The following GABRB2 variants were observed in gnomAD, a reference collection of about 807,000 sequenced individuals.
GABRB2 encodes the protein gamma-aminobutyric acid receptor subunit beta-2.
Under a neutral mutation model 54.7 loss-of-function variants are expected in GABRB2, and 16 were observed. That is an observed-to-expected ratio of 0.29 (90% CI 0.20 to 0.44). GABRB2 has a LOEUF of 0.44. Ranked by LOEUF, GABRB2 falls within the 20% of genes least tolerant of loss-of-function variation. The pLI is 1.00. For synonymous variants in GABRB2, 244 were observed against 233.8 expected (o/e 1.04, Z -0.40); for missense variants, 355 against 644.0 (o/e 0.55, Z 4.86).
At chr5:161,354,885 A>G (rs2910302) in intron 5 of GABRB2, among the ~76,000 whole-genome samples, 11,649 of 152,062 alleles carry the variant, frequency 0.077, 633 homozygotes, top group Admixed American at 0.16. Context: ...TTACTTTTGT[A>G]TAATCCTAAT....
rs764645599 is a variant in GABRB2 at position 161,294,329 on chromosome 5, T to C, written c.1291A>G (p.Met431Val). The C allele has an allele frequency of 6.2e-7, 1 of 1,614,140 alleles. No homozygotes were observed. Among genetic ancestry groups the C allele is most frequent in the South Asian group, 1.1e-5 (1 of 91,080 alleles). Residue 431 changes from methionine to valine, a missense_variant, in exon 10 of 10, where the codon ATG becomes GTG. Around this residue, in one of 6 missense-constraint regions of GABRB2, gnomAD observed 201 missense variants for 228.1 expected, o/e 0.88. Transcript: ENST00000393959. ...ATGCTGGAGGCATCATAGGCTAGCA[T>C]TGTGCTTCTGGGGTCTCCAAGTCCC... ...VMGLGDPRST[M>V]LAYDASSIQY...
At chr5:161,493,972 T>C (rs1313578152) in intron 3 of GABRB2, among the ~76,000 whole-genome samples, 1 of 151,756 alleles carries the variant, frequency 6.6e-6, no homozygotes, top group Non-Finnish European at 1.5e-5. Flanking sequence ...ATTTAGTGAT[T>C]CCACAATGTG....
At chr5:161,405,385 T>A (rs1355902712) in intron 5 of GABRB2, among the ~76,000 whole-genome samples, 3 of 152,236 alleles carry the variant, frequency 2.0e-5, no homozygotes, top group Non-Finnish European at 4.4e-5. Context: ...CTGCTACTTA[T>A]GGAAATATCA....
Position 161,438,560 on chromosome 5 carries a change from CAG to C in GABRB2, c.458+21062_458+21063del, listed in dbSNP as rs1757374811. ...TCACCAAATGAATGAAATAAGTCAC[CAG>C]ACACCAATCCTGGAGAAAGAGAGAT... is the stretch of plus-strand genomic sequence containing the variant. On this transcript the variant is annotated intron_variant, in intron 4 of 9. Coordinates refer to ENST00000393959, the MANE Select transcript of GABRB2 (RefSeq NM_001371727.1). 5.3e-5 allele frequency among the ~76,000 whole-genome samples: 8 copies of C among 152,026 alleles called. 1 individual carries two copies. Among genetic ancestry groups the C allele is most frequent in the Admixed American group, 5.2e-4 (8 of 15,274 alleles).
intron 3 of GABRB2, among the ~76,000 whole-genome samples, chr5:161,506,557 C>T (rs916915269): frequency 6.6e-6 from 1 of 152,084 alleles, no homozygotes; most frequent in Non-Finnish European, 1.5e-5. Flanking sequence ...TGGATCATAG[C>T]CACAGCCATT....
intron 4 of GABRB2, among the ~76,000 whole-genome samples, chr5:161,455,505 T>C (rs947820174): frequency 1.3e-5 from 2 of 151,354 alleles, no homozygotes; most frequent in African/African-American, 4.9e-5. Context: ...CCTAGGCCTC[T>C]GAAACATGAA....
chr5:161,386,824 C>CAA (rs55916255), intron 5 of GABRB2, among the ~76,000 whole-genome samples: 85,882 of 136,792 alleles, frequency 0.63, 27,518 homozygotes, highest in East Asian at 0.76. Flanking sequence ...TGTGCCCAGC[C>CAA]AAAAAAAAAA....
chr5:161,458,925 G>C (rs1047451581), intron 4 of GABRB2, among the ~76,000 whole-genome samples: 3 of 152,102 alleles, frequency 2.0e-5, no homozygotes, highest in Admixed American at 2.0e-4. Flanking sequence ...CTCTAATGAA[G>C]AGAAATCCTT....
chr5:161,323,875 A>C (rs1396869623), intron 9 of GABRB2, among the ~76,000 whole-genome samples: 1 of 152,218 alleles, frequency 6.6e-6, no homozygotes, highest in East Asian at 1.9e-4. Flanking sequence ...GAACCTTTCT[A>C]GTGAACAACC....
chr5:161,446,052 T>A (rs1315389682), intron 4 of GABRB2, among the ~76,000 whole-genome samples: 1 of 152,204 alleles, frequency 6.6e-6, no homozygotes, highest in Non-Finnish European at 1.5e-5. Context: ...TCTCCTCCAG[T>A]AACTCTTTAT....
intron 3 of GABRB2, among the ~76,000 whole-genome samples, chr5:161,544,931 G>A (rs550812755): frequency 5.7e-4 from 86 of 152,108 alleles, no homozygotes; most frequent in African/African-American, 2.0e-3. Flanking sequence ...GTTTCTCATT[G>A]AGCCTGAGGA....
Position 161,544,897 on chromosome 5 carries a change from C to A in GABRB2, c.237+330G>T, listed in dbSNP as rs149128321. On this transcript the variant is annotated intron_variant, in intron 3 of 9. Coordinates refer to ENST00000393959, the MANE Select transcript of GABRB2 (RefSeq NM_001371727.1). Reference sequence around the variant, plus strand: ...TTCTTCCCATGACCCCACATCAAATCCAGAAAATCACTTAATGAACTGGGT... The same window carrying A: ...TTCTTCCCATGACCCCACATCAAATACAGAAAATCACTTAATGAACTGGGT... Among the ~76,000 whole-genome samples the A allele has an allele frequency of 4.8e-3, 737 of 152,192 alleles. 6 individuals are homozygous for A. Among genetic ancestry groups the A allele is most frequent in the African/African-American group, 0.016 (678 of 41,526 alleles).
chr5:161,294,490 G>A, intron 9 of GABRB2, 62 bp from the exon 10 acceptor site: 1 of 1,409,684 alleles, frequency 7.1e-7, no homozygotes, highest in South Asian at 1.2e-5. Context: ...TGCTTACTAG[G>A]CAAGGCACTA....
chr5:161,290,588 C>G lies in GABRB2; in HGVS notation c.*3493G>C, dbSNP rs534708476. The G allele has an allele frequency of 3.3e-5, 5 of 152,474 alleles. No individual in the cohort carries two copies. Among genetic ancestry groups the G allele is most frequent in the Non-Finnish European group, 5.9e-5 (4 of 67,956 alleles). The allele number at this position is 152,474 out of a possible 1,614,324, so 9.4% of individuals were successfully genotyped here. On this transcript the variant is annotated 3_prime_UTR_variant, in exon 10 of 10. Transcript: ENST00000393959. ...AGGAAATAAAACATATTAGCTTATTCCTTTTGTTTTCCAACATATGAATGC... is the reference window on the plus strand; with the variant it reads ...AGGAAATAAAACATATTAGCTTATTGCTTTTGTTTTCCAACATATGAATGC...
rs1580948949 is a variant in GABRB2 at position 161,288,934 on chromosome 5, C to G, written c.*5147G>C. 6.6e-6 allele frequency: 1 copy of G among 152,106 alleles called. No homozygotes were observed. Among genetic ancestry groups the G allele is most frequent in the Non-Finnish European group, 1.5e-5 (1 of 68,024 alleles). 9.4% of individuals were successfully genotyped at this position (152,106 alleles called of 1,614,324 possible). ...TATGTTTAAAATGACGATGGTTGAA[C>G]TCAAATTATTGAACCAAAAACAAAA... On this transcript the variant is annotated 3_prime_UTR_variant, in exon 10 of 10. Coordinates refer to ENST00000393959, the MANE Select transcript of GABRB2 (RefSeq NM_001371727.1).
intron 5 of GABRB2, among the ~76,000 whole-genome samples, chr5:161,378,494 G>A (rs936618812): frequency 3.9e-5 from 6 of 152,106 alleles, no homozygotes; most frequent in Non-Finnish European, 7.4e-5. Flanking sequence ...TTCAGTTTAT[G>A]TGTTTTTTGT....
chr5:161,325,790 T>C (rs1758344230), intron 9 of GABRB2, among the ~76,000 whole-genome samples: 1 of 152,130 alleles, frequency 6.6e-6, no homozygotes, highest in African/African-American at 2.4e-5. Context: ...TAGAGTTCAT[T>C]TAAGTCAAGA....
chr5:161,463,545 ATATTTT>A (rs1170595878), intron 3 of GABRB2, among the ~76,000 whole-genome samples: 8,189 of 60,460 alleles, frequency 0.14, 1,686 homozygotes, highest in East Asian at 0.24. Context: ...GTGATTCCAA[ATATTTT>A]TATTTATATA....
intron 9 of GABRB2, among the ~76,000 whole-genome samples, chr5:161,316,864 G>A (rs1249825868): frequency 6.6e-6 from 1 of 151,998 alleles, no homozygotes; most frequent in Non-Finnish European, 1.5e-5. Flanking sequence ...CACCTGCCTC[G>A]GGCTCCCAAA....
Sources: gnomAD v4.1 joint callset for allele counts (sites outside exome capture counted in the v4.1 genomes callset) on GRCh38, gnomAD v4.1.1 for gene constraint, gnomAD v4.1.1 regional missense constraint, MANE v1.5 for transcripts, NCBI Gene and HGNC (gene_info 2026-07-23, HGNC 2026-07-21) for gene names.